The following CLASP1 variants were observed in gnomAD, a reference collection of about 807,000 sequenced individuals.
CLASP1 encodes cytoplasmic linker associated protein 1, also known as CLIP-associating protein 1.
A neutral mutation model predicts 192.3 loss-of-function variants in CLASP1; 38 were observed. That is an observed-to-expected ratio of 0.20 (90% CI 0.15 to 0.26). CLASP1 has a LOEUF of 0.26. Ranked by LOEUF, CLASP1 falls within the 10% of genes least tolerant of loss-of-function variation. The pLI, the probability that CLASP1 is intolerant of heterozygous loss-of-function variation, is 1.00. For missense variants in CLASP1, 1,433 were observed against 1,932.5 expected (o/e 0.74, Z 4.85); for synonymous variants, 691 against 712.8 (o/e 0.97, Z 0.49).
At chr2:121,471,100 T>C (rs752588377) in intron 8 of CLASP1, among the ~76,000 whole-genome samples, 2 of 152,112 alleles carry the variant, frequency 1.3e-5, no homozygotes, top group East Asian at 3.9e-4. Flanking sequence ...CTGGGCAACA[T>C]AGCAAGATCC....
intron 1 of CLASP1, among the ~76,000 whole-genome samples, chr2:121,622,794 T>C (rs1427821696): frequency 6.6e-6 from 1 of 152,212 alleles, no homozygotes; most frequent in South Asian, 2.1e-4. Context: ...GGATGTTTTA[T>C]ATACAAGATC....
intron 2 of CLASP1, among the ~76,000 whole-genome samples, chr2:121,549,701 C>T (rs1452359960): frequency 3.3e-5 from 3 of 92,296 alleles, no homozygotes; most frequent in Non-Finnish European, 5.6e-5. Context: ...TAAAACAATC[C>T]TCTGCAAAAA....
chr2:121,419,305 C>T (rs541386415), intron 22 of CLASP1, among the ~76,000 whole-genome samples: 4 of 152,336 alleles, frequency 2.6e-5, no homozygotes, highest in African/African-American at 7.2e-5. Flanking sequence ...AGCCTACCCA[C>T]TCCAAGTAAG....
chr2:121,562,618 C>T (rs1576015503), intron 2 of CLASP1, among the ~76,000 whole-genome samples: 1 of 152,330 alleles, frequency 6.6e-6, no homozygotes, highest in East Asian at 1.9e-4. Context: ...ATTCTAGAAA[C>T]CTTTCCACTG....
intron 1 of CLASP1, among the ~76,000 whole-genome samples, chr2:121,634,927 C>G (rs1014322170): frequency 6.6e-6 from 1 of 152,054 alleles, no homozygotes; most frequent in Non-Finnish European, 1.5e-5. Context: ...ACATACCAGC[C>G]CAACTTCTCC....
intron 26 of CLASP1, 91 bp downstream of exon 27, chr2:121,404,280 C>T (rs948632946): frequency 2.1e-5 from 33 of 1,547,918 alleles, no homozygotes; most frequent in Non-Finnish European, 2.4e-5. Context: ...ACTGCACTAT[C>T]GGGAATTCTC....
At chr2:121,561,011 A>T (rs545468985) in intron 2 of CLASP1, among the ~76,000 whole-genome samples, 92 of 152,240 alleles carry the variant, frequency 6.0e-4, no homozygotes, top group African/African-American at 2.0e-3. Flanking sequence ...GGTTCAAGTG[A>T]TTTTCCTGCC....
chr2:121,388,178 T>C, intron 30 of CLASP1: 2 of 288,634 alleles, frequency 6.9e-6, no homozygotes, highest in Middle Eastern at 1.1e-3. Flanking sequence ...TCTCTTGTTG[T>C]CTGGTACTAG....
intron 2 of CLASP1, among the ~76,000 whole-genome samples, chr2:121,585,743 C>T (rs1477084313): frequency 6.6e-6 from 1 of 151,892 alleles, no homozygotes; most frequent in Admixed American, 6.6e-5. Flanking sequence ...ACTAAAAATA[C>T]AAAATTAGCT....
At chr2:121,510,519 C>T (rs2094099123) in intron 7 of CLASP1, among the ~76,000 whole-genome samples, 4 of 152,136 alleles carry the variant, frequency 2.6e-5, no homozygotes, top group Non-Finnish European at 5.9e-5. Flanking sequence ...GAATAGACCC[C>T]TAACAAGTAG....
At chr2:121,647,774 A>T (rs1285323161) in intron 1 of CLASP1, among the ~76,000 whole-genome samples, 1 of 152,246 alleles carries the variant, frequency 6.6e-6, no homozygotes, top group African/African-American at 2.4e-5. Flanking sequence ...TGTAACACAG[A>T]GATACAATAT....
chr2:121,633,393 G>A (rs1434627990), intron 1 of CLASP1, among the ~76,000 whole-genome samples: 1 of 151,872 alleles, frequency 6.6e-6, no homozygotes, highest in Non-Finnish European at 1.5e-5. Context: ...CTATTCAGAA[G>A]CAAACAAAAT....
intron 2 of CLASP1, chr2:121,531,004 A>G (rs1029551062): frequency 1.6e-5 from 11 of 699,594 alleles, no homozygotes; most frequent in South Asian, 3.0e-5. Context: ...CAATTTTTGG[A>G]AAAATGAAAA....
At chr2:121,346,806 A>C (rs948838111) in intron 39 of CLASP1, among the ~76,000 whole-genome samples, 3 of 152,258 alleles carry the variant, frequency 2.0e-5, no homozygotes, top group Non-Finnish European at 4.4e-5. Context: ...CAAAATCAGC[A>C]TTTCATAAAC....
In CLASP1 at chr2:121,390,925, C is replaced by A. The variant is rs571378916; in HGVS notation, c.3124-3019G>T. The stretch of plus-strand genomic sequence containing the variant: ...CACTGCAGCCTTGAGCTCATGTAAT[C>A]CTCCTGCCTCAGCCTCCCAAGTAGC... On this transcript the variant is annotated intron_variant, in intron 30 of 39. Coordinates refer to ENST00000263710, the Ensembl canonical transcript of CLASP1. 2.1e-3 allele frequency among the ~76,000 whole-genome samples: 323 copies of A among 152,216 alleles called. 1 individual carries two copies. The highest frequency in any genetic ancestry group is 7.3e-3 in the African/African-American group (304 of 41,550).
chr2:121,461,166 ATTC>A, exon 11 of CLASP1: 1 of 1,603,772 alleles, frequency 6.2e-7, no homozygotes, highest in East Asian at 2.2e-5. Context: ...TTGTTTATGG[ATTC>A]CTCAAGGTCT....
At chr2:121,430,640 A>G (rs2081235163) in intron 19 of CLASP1, among the ~76,000 whole-genome samples, 1 of 152,200 alleles carries the variant, frequency 6.6e-6, no homozygotes. Context: ...AACCCAAAAT[A>G]AAAAAGTCTA....
intron 14 of CLASP1, 108 bp from the exon 15 acceptor site, chr2:121,451,957 C>G: frequency 1.3e-6 from 1 of 741,092 alleles, no homozygotes; most frequent in Non-Finnish European, 2.3e-6. Flanking sequence ...TAGTACATTT[C>G]TTCTGATTTT....
At chr2:121,438,789 CTCT>C (rs1180804699) in intron 19 of CLASP1, among the ~76,000 whole-genome samples, 1 of 151,032 alleles carries the variant, frequency 6.6e-6, no homozygotes, top group Non-Finnish European at 1.5e-5. Context: ...GTCTAAAATT[CTCT>C]TTTTTGGTTG....
Sources: allele counts gnomAD v4.1 joint callset (sites outside exome capture counted in the v4.1 genomes callset), GRCh38; gene constraint gnomAD v4.1.1; transcripts MANE v1.5; gene names NCBI Gene and HGNC (gene_info 2026-07-23, HGNC 2026-07-21).